The following NCEH1 variants were observed in gnomAD, a reference collection of about 807,000 sequenced individuals.
NCEH1 encodes 2-acetyl MAGE hydrolase.
In NCEH1, 9 loss-of-function variants were observed where a neutral mutation model predicts 25.4. The observed-to-expected ratio is 0.35, with a 90% CI of 0.21 to 0.62. The LOEUF (loss-of-function observed/expected upper bound fraction) is 0.62, where lower values mean the gene tolerates loss of function less well. Among genes scored for constraint, NCEH1 ranks in the 20% least tolerant of loss-of-function variants. The pLI is 0.72. For synonymous variants in NCEH1, 200 were observed against 199.8 expected (o/e 1.00, Z -0.01); for missense variants, 412 against 501.1 (o/e 0.82, Z 1.70).
At chr3:172,662,244 G>C (rs956305692) in intron 1 of NCEH1, among the ~76,000 whole-genome samples, 1 of 152,092 alleles carries the variant, frequency 6.6e-6, no homozygotes, top group African/African-American at 2.4e-5. Context: ...TTTTGTCTTT[G>C]GTTCTGTTTA....
rs776581562 is a variant in NCEH1 at position 172,687,515 on chromosome 3, A to G, written c.138+23332T>C. 6.9e-4 allele frequency among the ~76,000 whole-genome samples: 105 copies of G among 152,250 alleles called. 2 individuals are homozygous for G. The highest frequency in any genetic ancestry group is 2.5e-4 in the Non-Finnish European group (17 of 68,046). ...TAAATATTTATTACATGAAACATTA[A>G]ATGAGCTTTCTGTAGAATATAGGTC... On this transcript the variant is annotated intron_variant, in intron 1 of 4. Transcript: ENST00000475381.
intron 1 of NCEH1, among the ~76,000 whole-genome samples, chr3:172,658,754 T>C (rs1383128500): frequency 6.6e-6 from 1 of 151,964 alleles, no homozygotes; most frequent in Non-Finnish European, 1.5e-5. Flanking sequence ...AACATTTGGT[T>C]TTTTTCCTCC....
intron 1 of NCEH1, among the ~76,000 whole-genome samples, chr3:172,685,109 T>C (rs760622431): frequency 1.2e-4 from 18 of 151,796 alleles, no homozygotes; most frequent in Non-Finnish European, 2.1e-4. Flanking sequence ...CTGGGCATCA[T>C]GGTAAAACCC....
rs1247420639 is a variant in NCEH1, at chr3:172,691,965, A to AAAAG, written c.138+18878_138+18881dup. Among the ~76,000 whole-genome samples the AAAAG allele has an allele frequency of 1.7e-4, 5 of 29,624 alleles. No homozygotes were observed. The East Asian group carries it at 2.7e-3, about 16-fold the overall frequency. The allele number at this position is 29,624 out of a possible 152,430, so 19.4% of individuals were successfully genotyped here. On this transcript the variant is annotated intron_variant, in intron 1 of 4. Coordinates refer to ENST00000475381, the MANE Select transcript of NCEH1 (RefSeq NM_020792.6). ...CCGTCTCAAAAAAAAAAAAAAAAAAAAAAGAAAGAAAGAAAGAAAGAAAGA... is the reference window on the plus strand; with the variant it reads ...CCGTCTCAAAAAAAAAAAAAAAAAAAAAAGAAAGAAAGAAAGAAAGAAAGAAAGA...
At chr3:172,664,998 G>A (rs1053720163) in intron 1 of NCEH1, among the ~76,000 whole-genome samples, 10 of 152,216 alleles carry the variant, frequency 6.6e-5, no homozygotes, top group East Asian at 1.9e-4. Flanking sequence ...GCTTTGTTCC[G>A]TTGCTGGCGA....
intron 1 of NCEH1, among the ~76,000 whole-genome samples, 198 bp downstream of exon 1, chr3:172,710,649 A>G (rs1288446690): frequency 2.0e-5 from 3 of 152,232 alleles, no homozygotes; most frequent in Non-Finnish European, 1.5e-5. Flanking sequence ...AGACGGGGAA[A>G]TGCAGATCTA....
intron 1 of NCEH1, among the ~76,000 whole-genome samples, chr3:172,662,947 G>GT (rs1304735566): frequency 2.0e-5 from 3 of 152,006 alleles, no homozygotes; most frequent in Non-Finnish European, 4.4e-5. Context: ...AGGGTTTTTT[G>GT]TGTCTCTATC....
At chr3:172,650,567 T>C (rs535472683) in intron 1 of NCEH1, among the ~76,000 whole-genome samples, 2 of 150,414 alleles carry the variant, frequency 1.3e-5, no homozygotes, top group African/African-American at 4.9e-5. Flanking sequence ...GAGAATGGCA[T>C]GAACCCTGGA....
chr3:172,656,277 GAC>G (rs1325797206), intron 1 of NCEH1, among the ~76,000 whole-genome samples: 1 of 152,170 alleles, frequency 6.6e-6, no homozygotes, highest in Non-Finnish European at 1.5e-5. Context: ...TCAAGAGAGA[GAC>G]AAAGTTACAG....
intron 1 of NCEH1, among the ~76,000 whole-genome samples, chr3:172,695,289 A>C (rs1713294516): frequency 6.6e-6 from 1 of 152,244 alleles, no homozygotes; most frequent in South Asian, 2.1e-4. Flanking sequence ...AATTCAAGTA[A>C]AGCACTTTAA....
chr3:172,680,667 GCC>G (rs34459090), intron 1 of NCEH1: 9 of 142,000 alleles, frequency 6.3e-5, no homozygotes, highest in Non-Finnish European at 1.3e-4. Flanking sequence ...GGCGTCACAG[GCC>G]CCCCCCCCTC....
At chr3:172,635,587 C>T (rs115142226) in intron 4 of NCEH1, among the ~76,000 whole-genome samples, 365 of 152,202 alleles carry the variant, frequency 2.4e-3, no homozygotes, top group Middle Eastern at 6.8e-3. Flanking sequence ...AAAAATACTC[C>T]GATTTGCAAG....
chr3:172,706,251 C>G (rs1179724202), intron 1 of NCEH1, among the ~76,000 whole-genome samples: 1 of 151,974 alleles, frequency 6.6e-6, no homozygotes, highest in East Asian at 1.9e-4. Flanking sequence ...ACTGAAGATA[C>G]AACTTTATGG....
In NCEH1 at chr3:172,633,826, C is replaced by T. The variant is rs761886877; in HGVS notation, c.876G>A (p.Leu292=). The T allele has an allele frequency of 1.2e-6, 2 of 1,614,204 alleles. No homozygotes were observed. The highest frequency in any genetic ancestry group is 2.2e-5 in the South Asian group (2 of 91,084). The part of the protein sequence containing the change: ...VRARLNWTSL[L]PASFTKNYKP... Reference sequence around the variant, plus strand: ...TGTAGTTCTTTGTGAAGGATGCAGGCAAGAGGGATGTCCAGTTTAGACGGG... The same window carrying T: ...TGTAGTTCTTTGTGAAGGATGCAGGTAAGAGGGATGTCCAGTTTAGACGGG... Residue 292 remains leucine (L), a synonymous_variant, in exon 5 of 5, where the codon TTG becomes TTA. Coordinates refer to ENST00000475381, the MANE Select transcript of NCEH1 (RefSeq NM_020792.6).
chr3:172,707,451 A>G (rs1714065104), intron 1 of NCEH1, among the ~76,000 whole-genome samples: 1 of 152,246 alleles, frequency 6.6e-6, no homozygotes. Context: ...ATTTCCAGCA[A>G]CACGTATGCA....
At chr3:172,699,280 C>T (rs1439029126) in intron 1 of NCEH1, among the ~76,000 whole-genome samples, 2 of 152,174 alleles carry the variant, frequency 1.3e-5, no homozygotes, top group Non-Finnish European at 2.9e-5. Context: ...GATTCACGAG[C>T]TGAACTGTCA....
intron 1 of NCEH1, among the ~76,000 whole-genome samples, chr3:172,654,905 CATTT>C (rs780356499): frequency 2.6e-5 from 4 of 152,256 alleles, no homozygotes; most frequent in African/African-American, 7.2e-5. Flanking sequence ...TCTCATGGAA[CATTT>C]ATTTATCTGC....
chr3:172,649,018 G>C (rs1040712730), intron 1 of NCEH1, among the ~76,000 whole-genome samples: 1 of 152,166 alleles, frequency 6.6e-6, no homozygotes, highest in African/African-American at 2.4e-5. Flanking sequence ...ATGATCATAA[G>C]ATCACGGAAA....
At chr3:172,686,399 G>A (rs1229658601) in intron 1 of NCEH1, among the ~76,000 whole-genome samples, 2 of 152,222 alleles carry the variant, frequency 1.3e-5, no homozygotes, top group Admixed American at 6.5e-5. Context: ...TATTCACATA[G>A]TGACTAGTGT....
Sources: gnomAD v4.1 joint callset for allele counts (sites outside exome capture counted in the v4.1 genomes callset) on GRCh38, gnomAD v4.1.1 for gene constraint, MANE v1.5 for transcripts, NCBI Gene and HGNC (gene_info 2026-07-23, HGNC 2026-07-21) for gene names.